Variants in MFN1 observed in about 807,000 individuals in gnomAD.
MFN1 encodes the protein mitofusin 1, also known as mitofusin-1.
In MFN1, 65 loss-of-function variants were observed where a neutral mutation model predicts 92.4. That is an observed-to-expected ratio of 0.70 (90% CI 0.58 to 0.86). MFN1 has a LOEUF of 0.86. Among genes scored for constraint, MFN1 ranks in the 40% least tolerant of loss-of-function variants. MFN1 has a pLI of 0.00. For synonymous variants in MFN1, 297 were observed against 300.9 expected, an observed-to-expected ratio of 0.99 and a Z score of 0.13; for missense variants, 781 against 868.0, an observed-to-expected ratio of 0.90 and a Z score of 1.26.
At chr3:179,359,121 A>AT in intron 4 of MFN1, 119 bp downstream of exon 4, 1 of 1,196,848 alleles carries the variant, frequency 8.4e-7, no homozygotes, top group Non-Finnish European at 1.1e-6. Context: ...AACTGTTAAT[A>AT]TTTTTCTTTT....
chr3:179,354,653 G>A lies in MFN1; in HGVS notation c.248+2618G>A, dbSNP rs796341526. ...AGGAATAAAGAATGGCTGCTGCATAGGCAGATCAGTCCCGAGAACTGCTGC... is the reference window on the plus strand; with the variant it reads ...AGGAATAAAGAATGGCTGCTGCATAAGCAGATCAGTCCCGAGAACTGCTGC... On this transcript the variant is annotated intron_variant, in intron 3 of 17. Coordinates refer to ENST00000471841, the MANE Select transcript of MFN1 (RefSeq NM_033540.3). Among the ~76,000 whole-genome samples the A allele has an allele frequency of 3.0e-4, 45 of 152,314 alleles. 2 individuals are homozygous for A. Among genetic ancestry groups the A allele is most frequent in the African/African-American group, 1.0e-3 (42 of 41,562 alleles).
At chr3:179,365,360 A>G in intron 7 of MFN1, 135 bp downstream of exon 7, 1 of 544,952 alleles carries the variant, frequency 1.8e-6, no homozygotes, top group Non-Finnish European at 3.1e-6. Flanking sequence ...AGAAAACCTG[A>G]AGTAGGTATG....
intron 4 of MFN1, among the ~76,000 whole-genome samples, chr3:179,360,644 G>A (rs9814990): frequency 0.032 from 4,860 of 152,050 alleles, 254 homozygotes; most frequent in African/African-American, 0.1. Context: ...TCTCATTGTG[G>A]TTACTTTCTC....
intron 9 of MFN1, among the ~76,000 whole-genome samples, chr3:179,369,892 T>C (rs894080326): frequency 6.6e-6 from 1 of 152,216 alleles, no homozygotes; most frequent in African/African-American, 2.4e-5. Context: ...AAATTGCTTA[T>C]GAGCAGTAGC....
intron 9 of MFN1, among the ~76,000 whole-genome samples, chr3:179,373,294 T>C (rs1713093459): frequency 6.6e-6 from 1 of 152,172 alleles, no homozygotes; most frequent in Admixed American, 6.5e-5. Flanking sequence ...ACATGAAGGC[T>C]AAGCATAGGT....
chr3:179,373,112 A>G (rs527659095), intron 9 of MFN1, among the ~76,000 whole-genome samples: 1 of 152,330 alleles, frequency 6.6e-6, no homozygotes, highest in East Asian at 1.9e-4. Flanking sequence ...AAGCTAGGCA[A>G]TGCAAGAAAG....
In MFN1 at chr3:179,378,652, A is replaced by G; in HGVS notation, c.1500A>G (p.Lys500=). ...TACATACACTGATCCCTTGCAAGAA[A>G]TTTGATCTCAGTTATAATCTAAATT... is the stretch of plus-strand genomic sequence containing the variant. ...DKLHTLIPCK[K]FDLSYNLNYH... Residue 500 remains lysine, a synonymous_variant, in exon 14 of 18, where the codon AAA becomes AAG. Transcript: ENST00000471841. 1 of 1,613,916 alleles carries G rather than the reference A, an allele frequency of 6.2e-7. No individual in the cohort carries two copies. The highest frequency in any genetic ancestry group is 8.5e-7 in the Non-Finnish European group (1 of 1,179,892).
rs1425299666 is a variant in MFN1 at position 179,351,500 on chromosome 3, G to C, written c.113-400G>C. On this transcript the variant is annotated intron_variant, in intron 2 of 17. Coordinates refer to ENST00000471841, the MANE Select transcript of MFN1 (RefSeq NM_033540.3). ...TGCACTGTATCTTAATTTCTGAGGGGCTCCTATTCAAACCTCACTTTTTTC... is the reference window on the plus strand; with the variant it reads ...TGCACTGTATCTTAATTTCTGAGGGCCTCCTATTCAAACCTCACTTTTTTC... Among the ~76,000 whole-genome samples the C allele has an allele frequency of 2.0e-5, 3 of 152,078 alleles. No homozygotes were observed. In the East Asian group the frequency reaches 5.8e-4, roughly 29 times the overall value.
At chr3:179,351,820 A>G in intron 2 of MFN1, 80 bp from the exon 3 acceptor site, 1 of 1,362,958 alleles carries the variant, frequency 7.3e-7, no homozygotes, top group East Asian at 2.5e-5. Context: ...GCAAAAATAC[A>G]TACAATCTTA....
chr3:179,375,420 G>T, intron 10 of MFN1, 79 bp downstream of exon 10: 2 of 1,546,472 alleles, frequency 1.3e-6, no homozygotes, highest in Non-Finnish European at 1.8e-6. Context: ...TTAAATTGTT[G>T]TACTATAAAT....
At chr3:179,360,509 A>G (rs766482262) in intron 4 of MFN1, among the ~76,000 whole-genome samples, 2 of 151,624 alleles carry the variant, frequency 1.3e-5, no homozygotes, top group Non-Finnish European at 2.9e-5. Flanking sequence ...GCAATTCCCT[A>G]CCTTTCATAA....
chr3:179,373,909 G>A (rs755618138), intron 9 of MFN1, among the ~76,000 whole-genome samples: 9 of 152,004 alleles, frequency 5.9e-5, no homozygotes, highest in East Asian at 1.9e-4. Flanking sequence ...TCCTGACCTC[G>A]TGATCTGCCC....
chr3:179,368,000 A>T, intron 8 of MFN1, 36 bp from the exon 9 acceptor site: 2 of 1,419,160 alleles, frequency 1.4e-6, no homozygotes, highest in Non-Finnish European at 1.9e-6. Flanking sequence ...ATCTTGCTAC[A>T]TACTAGGTTT....
chr3:179,374,954 A>AT (rs780304624), intron 9 of MFN1, among the ~76,000 whole-genome samples: 1 of 151,980 alleles, frequency 6.6e-6, no homozygotes, highest in African/African-American at 2.4e-5. Flanking sequence ...TACCCTGTTT[A>AT]TTTTTTTTAA....
At chr3:179,372,543 A>G (rs190081283) in intron 9 of MFN1, among the ~76,000 whole-genome samples, 62 of 152,266 alleles carry the variant, frequency 4.1e-4, no homozygotes, top group Admixed American at 9.8e-4. Context: ...TTGGAGTAAA[A>G]TGTTCTTTTT....
chr3:179,382,421 ATAGTAT>A (rs1713504415), intron 14 of MFN1, among the ~76,000 whole-genome samples: 1 of 152,200 alleles, frequency 6.6e-6, no homozygotes. Flanking sequence ...TTATGGCTGC[ATAGTAT>A]TCCATGGTGT....
In MFN1 at chr3:179,368,840, A is replaced by G. The variant is rs557595382; in HGVS notation, c.975+737A>G. Among the ~76,000 whole-genome samples the G allele has an allele frequency of 3.3e-5, 5 of 152,348 alleles. No individual in the cohort carries two copies. In the South Asian group the frequency reaches 1.0e-3, roughly 32 times the overall value. Reference sequence around the variant, plus strand: ...ATATCACCTTCCCACTTAGGAATGAACACAGTGACTTCAGCATTGAAGAAA... The same window carrying G: ...ATATCACCTTCCCACTTAGGAATGAGCACAGTGACTTCAGCATTGAAGAAA... On this transcript the variant is annotated intron_variant, in intron 9 of 17. Transcript: ENST00000471841.
chr3:179,386,679 A>G (rs371696901), intron 16 of MFN1, 50 bp downstream of exon 16: 2 of 1,507,816 alleles, frequency 1.3e-6, no homozygotes, highest in African/African-American at 1.4e-5. Flanking sequence ...CTGAAATATG[A>G]CATACATGCA....
chr3:179,364,875 C>T lies in MFN1; in HGVS notation c.646-243C>T, dbSNP rs189890834. On this transcript the variant is annotated intron_variant, in intron 6 of 17. Coordinates refer to ENST00000471841, the MANE Select transcript of MFN1 (RefSeq NM_033540.3). The stretch of plus-strand genomic sequence containing the variant: ...GATTATTTAGCCAGATGTCTGGAGC[C>T]AGACTCATCTGAAATAAACTTTCCA... Among the ~76,000 whole-genome samples the T allele has an allele frequency of 1.8e-3, 271 of 152,290 alleles. 2 individuals carry two copies. Among genetic ancestry groups the T allele is most frequent in the African/African-American group, 6.2e-3 (258 of 41,558 alleles).
Sources: allele counts gnomAD v4.1 joint callset (sites outside exome capture counted in the v4.1 genomes callset), GRCh38; gene constraint gnomAD v4.1.1; transcripts MANE v1.5; gene names NCBI Gene and HGNC (gene_info 2026-07-23, HGNC 2026-07-21).